WDPCP: variants seen among roughly 807,000 people sequenced by gnomAD.
WDPCP encodes WD repeat-containing and planar cell polarity effector protein fritz homolog.
A neutral mutation model predicts 93.1 loss-of-function variants in WDPCP; 71 were observed. That is an observed-to-expected ratio of 0.76 (90% CI 0.63 to 0.93). The LOEUF (loss-of-function observed/expected upper bound fraction) is 0.93. Ranked by LOEUF, WDPCP falls within the 40% of genes least tolerant of loss-of-function variation. The pLI is 0.00. For missense variants in WDPCP, 844 were observed against 887.4 expected, an observed-to-expected ratio of 0.95 and a Z score of 0.62; for synonymous variants, 315 against 315.0, an observed-to-expected ratio of 1.00 and a Z score of 0.00.
intron 1 of WDPCP, among the ~76,000 whole-genome samples, chr2:63,587,619 G>A (rs1708950609): frequency 6.6e-6 from 1 of 152,116 alleles, no homozygotes; most frequent in East Asian, 1.9e-4. Flanking sequence ...TGCTACTCCC[G>A]AGCATCATAT....
upstream of WDPCP, among the ~76,000 whole-genome samples, chr2:63,831,683 G>GTATA (rs146615119): frequency 1.2e-3 from 172 of 148,382 alleles, 3 homozygotes; most frequent in South Asian, 0.024. Flanking sequence ...ATTTGTGTGT[G>GTATA]TATATATATA....
chr2:63,826,318 A>T (rs1002361915), intron 1 of WDPCP, among the ~76,000 whole-genome samples: 1 of 151,320 alleles, frequency 6.6e-6, no homozygotes. Flanking sequence ...TGAAAAGGCC[A>T]CTCTGCCTCG....
At chr2:63,527,789 C>A (rs554157539) in intron 1 of WDPCP, among the ~76,000 whole-genome samples, 1 of 151,990 alleles carries the variant, frequency 6.6e-6, no homozygotes, top group South Asian at 2.1e-4. Flanking sequence ...CTTGAGGAAT[C>A]GCCACACTGT....
intron 1 of WDPCP, among the ~76,000 whole-genome samples, chr2:63,818,436 T>G (rs761982687): frequency 3.3e-5 from 5 of 152,176 alleles, no homozygotes; most frequent in Non-Finnish European, 7.3e-5. Context: ...AAAATTACTC[T>G]GCCAGCTGTC....
intron 10 of WDPCP, among the ~76,000 whole-genome samples, chr2:63,401,621 A>G (rs768068412): frequency 1.1e-4 from 16 of 152,158 alleles, no homozygotes; most frequent in Non-Finnish European, 1.9e-4. Flanking sequence ...CCTGGGCAAC[A>G]TGGTAAAACC....
intron 14 of WDPCP, among the ~76,000 whole-genome samples, chr2:63,236,411 T>C (rs1004533302): frequency 1.3e-5 from 2 of 152,092 alleles, no homozygotes; most frequent in Non-Finnish European, 2.9e-5. Context: ...CCCAAAGCAA[T>C]CCACAGATTA....
At chr2:63,168,089 G>A (rs765992698) in intron 15 of WDPCP, among the ~76,000 whole-genome samples, 1 of 136,046 alleles carries the variant, frequency 7.4e-6, no homozygotes, top group Non-Finnish European at 1.5e-5. Flanking sequence ...TCCAGGCCAG[G>A]CAAGAGTGAG....
intron 3 of WDPCP, chr2:63,606,146 G>A: frequency 1.1e-6 from 1 of 937,048 alleles, no homozygotes. Flanking sequence ...CTTTGGAAGG[G>A]CAAGGTGGCA....
chr2:63,763,761 G>T lies in WDPCP; in HGVS notation n.308+49861C>A, dbSNP rs191702585. 9.5e-4 allele frequency among the ~76,000 whole-genome samples: 144 copies of T among 152,120 alleles called. 1 individual carries two copies. Among genetic ancestry groups the T allele is most frequent in the Non-Finnish European group, 5.7e-4 (39 of 67,988 alleles). On this transcript the variant is annotated intron_variant and non_coding_transcript_variant, in intron 2 of 4. Transcript: ENST00000467687. ...GTTATTTTCATTTTCTTCCATTATGGCTATTTATTTGTGCCAAAAAATTGC... is the reference window on the plus strand; with the variant it reads ...GTTATTTTCATTTTCTTCCATTATGTCTATTTATTTGTGCCAAAAAATTGC...
intron 2 of WDPCP, 25 bp from the exon 3 acceptor site, chr2:63,487,519 A>C (rs946888863): frequency 6.5e-7 from 1 of 1,537,900 alleles, no homozygotes; most frequent in African/African-American, 1.4e-5. Flanking sequence ...AAATAACATT[A>C]AATTATGATT....
chr2:63,284,765 A>G (rs911014628), intron 13 of WDPCP, among the ~76,000 whole-genome samples: 3 of 152,234 alleles, frequency 2.0e-5, no homozygotes, highest in Non-Finnish European at 4.4e-5. Context: ...CACACAATTT[A>G]AAATGAATTG....
intron 2 of WDPCP, among the ~76,000 whole-genome samples, chr2:63,708,117 A>T (rs1469482545): frequency 6.6e-6 from 1 of 152,154 alleles, no homozygotes; most frequent in Non-Finnish European, 1.5e-5. Flanking sequence ...TCAGATCTCA[A>T]GCTGTGTGCT....
chr2:63,323,490 T>G (rs548348952), intron 12 of WDPCP, among the ~76,000 whole-genome samples: 1 of 152,128 alleles, frequency 6.6e-6, no homozygotes, highest in African/African-American at 2.4e-5. Flanking sequence ...GAAGCTAGAA[T>G]ATGGGGAGCC....
At chr2:63,212,199 G>A (rs1676879597) in intron 14 of WDPCP, among the ~76,000 whole-genome samples, 1 of 152,166 alleles carries the variant, frequency 6.6e-6, no homozygotes, top group African/African-American at 2.4e-5. Flanking sequence ...AGGAAAAAAT[G>A]TTAAGGGCAA....
chr2:63,469,678 T>C (rs543415147), intron 6 of WDPCP, among the ~76,000 whole-genome samples: 5 of 152,062 alleles, frequency 3.3e-5, no homozygotes, highest in South Asian at 2.1e-4. Context: ...AAGGGAACAA[T>C]AGACACTGGG....
intron 2 of WDPCP, among the ~76,000 whole-genome samples, chr2:63,741,092 T>G (rs1245169286): frequency 6.6e-6 from 1 of 152,146 alleles, no homozygotes; most frequent in Non-Finnish European, 1.5e-5. Context: ...CAGATGTTTC[T>G]GGATAATGTC....
At chr2:63,672,497 C>A (rs1352190613) in intron 2 of WDPCP, among the ~76,000 whole-genome samples, 1 of 152,036 alleles carries the variant, frequency 6.6e-6, no homozygotes, top group Non-Finnish European at 1.5e-5. Context: ...AAATTTCCAA[C>A]AATATAAATG....
chr2:63,136,427 T>C (rs1270901327), intron 17 of WDPCP, among the ~76,000 whole-genome samples: 1 of 152,080 alleles, frequency 6.6e-6, no homozygotes, highest in Admixed American at 6.6e-5. Flanking sequence ...AGACAATCTA[T>C]TATAATATGG....
At chr2:63,152,806 G>A in intron 17 of WDPCP, 108 bp downstream of exon 17, 1 of 1,038,532 alleles carries the variant, frequency 9.6e-7, no homozygotes, top group South Asian at 1.4e-5. Flanking sequence ...ATGTAGTCCA[G>A]TTAATGTAGA....
Sources: allele counts gnomAD v4.1 joint callset (sites outside exome capture counted in the v4.1 genomes callset), GRCh38; gene constraint gnomAD v4.1.1; transcripts MANE v1.5; gene names NCBI Gene and HGNC (gene_info 2026-07-23, HGNC 2026-07-21).